SLC35A3: variants seen among roughly 807,000 people sequenced by gnomAD.
The protein encoded by SLC35A3 is UDP-N-acetylglucosamine transporter.
In SLC35A3, 26 loss-of-function variants were observed where a neutral mutation model predicts 39.0. The ratio of observed to expected loss-of-function variants is 0.67; its 90% CI spans 0.49 to 0.92. The LOEUF is 0.92. Among genes scored for constraint, SLC35A3 ranks in the 40% least tolerant of loss-of-function variants. The probability of loss-of-function intolerance (pLI) is 0.00; values close to 1 mark genes in which losing one functional copy is unlikely to be tolerated. For synonymous variants in SLC35A3, 135 were observed against 133.1 expected (o/e 1.01, Z -0.10); for missense variants, 299 against 371.6 (o/e 0.80, Z 1.61).
intron 7 of SLC35A3, among the ~76,000 whole-genome samples, chr1:100,020,719 G>GT (rs1246440798): frequency 6.6e-6 from 1 of 152,188 alleles, no homozygotes; most frequent in African/African-American, 2.4e-5. Flanking sequence ...TGACAGTGTG[G>GT]TAAGTGTTAT....
At chr1:100,015,583 C>A in intron 6 of SLC35A3, 163 bp downstream of exon 6, 1 of 699,130 alleles carries the variant, frequency 1.4e-6, no homozygotes, top group Non-Finnish European at 2.0e-6. Context: ...GATCTTAATG[C>A]TGTAATGAAA....
At chr1:99,985,337 C>CT (rs1240408897) in intron 1 of SLC35A3, among the ~76,000 whole-genome samples, 16 of 152,200 alleles carry the variant, frequency 1.1e-4, no homozygotes, top group African/African-American at 3.9e-4. Flanking sequence ...TTTCCCCACT[C>CT]TATGTTTTTG....
Position 100,006,563 on chromosome 1 carries a change from C to T in SLC35A3, c.343-471C>T, listed in dbSNP as rs1168551171. ...TAGCAACAGGTTGTGCAGGGTCAGT[C>T]GCTAGCCCCCAGGAGGCATGCGTGG... On this transcript the variant is annotated intron_variant, in intron 3 of 7. Transcript: ENST00000533028. 3.9e-5 allele frequency among the ~76,000 whole-genome samples: 6 copies of T among 152,152 alleles called. No homozygotes were observed. The East Asian group carries it at 5.8e-4, about 15-fold the overall frequency.
intron 7 of SLC35A3, among the ~76,000 whole-genome samples, chr1:100,021,219 C>T (rs935860097): frequency 3.3e-5 from 5 of 151,900 alleles, no homozygotes; most frequent in Admixed American, 6.6e-5. Flanking sequence ...AAAAAATTAG[C>T]GGGGTGTGGT....
chr1:100,013,184 A>G (rs1437075725), intron 5 of SLC35A3, among the ~76,000 whole-genome samples: 1 of 152,138 alleles, frequency 6.6e-6, no homozygotes, highest in Non-Finnish European at 1.5e-5. Context: ...GTCTTTTATA[A>G]ATTAAAAAAC....
intron 4 of SLC35A3, chr1:100,009,368 ATAAGT>A (rs915892568): frequency 1.2e-4 from 19 of 152,366 alleles, no homozygotes; most frequent in African/African-American, 4.1e-4. Context: ...ATAAGCACAA[ATAAGT>A]TAAGGAGTGG....
In SLC35A3 at chr1:100,027,990, C is replaced by G. The variant is rs1661010116; in HGVS notation, c.*5514C>G. ...TTTGAGATGGTGTCTCGCTCTGTCACCTAGGCTGCAGTGGTGTGACCTCAC... is the reference window on the plus strand; with the variant it reads ...TTTGAGATGGTGTCTCGCTCTGTCAGCTAGGCTGCAGTGGTGTGACCTCAC... On this transcript the variant is annotated 3_prime_UTR_variant, in exon 8 of 8. Transcript: ENST00000533028. 1 of 134,210 alleles carries G rather than the reference C, an allele frequency of 7.5e-6. No homozygotes were observed. Among genetic ancestry groups the G allele is most frequent in the Non-Finnish European group, 1.5e-5 (1 of 64,978 alleles). The allele number at this position is 134,210 out of a possible 1,614,324, so 8.3% of individuals were successfully genotyped here.
rs909442668 is a variant in SLC35A3, at chr1:100,029,731, C to T, written c.*7255C>T. 4 of 152,084 alleles carry T rather than the reference C, an allele frequency of 2.6e-5. No individual in the cohort carries two copies. The highest frequency in any genetic ancestry group is 9.7e-5 in the African/African-American group (4 of 41,436). The allele number at this position is 152,084 out of a possible 1,614,324, so 9.4% of individuals were successfully genotyped here. ...CAGGCATGAGCCATCACACCCAGCC[C>T]AGAGACTTTTAATTTATACATTGTC... On this transcript the variant is annotated 3_prime_UTR_variant, in exon 8 of 8. Coordinates refer to ENST00000533028, the MANE Select transcript of SLC35A3 (RefSeq NM_012243.3).
intron 1 of SLC35A3, among the ~76,000 whole-genome samples, chr1:99,989,048 T>A (rs576033807): frequency 1.3e-5 from 2 of 152,118 alleles, no homozygotes; most frequent in Non-Finnish European, 2.9e-5. Context: ...TAATAAGGAA[T>A]TGATAAACTT....
chr1:99,983,699 C>T (rs866920285), intron 1 of SLC35A3, among the ~76,000 whole-genome samples: 3 of 151,550 alleles, frequency 2.0e-5, no homozygotes. Context: ...GATCTCGGCT[C>T]ACTGCACCCT....
chr1:99,972,891 T>C (rs2101011921), intron 1 of SLC35A3, among the ~76,000 whole-genome samples: 1 of 152,342 alleles, frequency 6.6e-6, no homozygotes, highest in African/African-American at 2.4e-5. Context: ...CACCGCTATT[T>C]TATAGATAAG....
At chr1:100,022,037 A>C (rs1238543688) in intron 7 of SLC35A3, among the ~76,000 whole-genome samples, 1 of 152,242 alleles carries the variant, frequency 6.6e-6, no homozygotes, top group African/African-American at 2.4e-5. Context: ...AAGACAGTAT[A>C]GTGCAGTCGA....
At chr1:99,976,210 T>A (rs887684166) in intron 1 of SLC35A3, among the ~76,000 whole-genome samples, 5 of 152,194 alleles carry the variant, frequency 3.3e-5, no homozygotes, top group Admixed American at 2.0e-4. Flanking sequence ...ACTTGAACAG[T>A]AAATGTAGAA....
chr1:99,986,542 A>C (rs1455094487), intron 1 of SLC35A3, among the ~76,000 whole-genome samples: 2 of 151,700 alleles, frequency 1.3e-5, no homozygotes, highest in Middle Eastern at 3.4e-3. Flanking sequence ...GAAATGCAAA[A>C]TTTTCAAAGT....
intron 7 of SLC35A3, among the ~76,000 whole-genome samples, chr1:100,021,015 G>A (rs1019302635): frequency 1.3e-5 from 2 of 152,130 alleles, no homozygotes; most frequent in African/African-American, 4.8e-5. Context: ...AAAAAAACAG[G>A]AGCATGGCTT....
In SLC35A3 at chr1:100,031,999, G is replaced by A. The variant is rs1661272285; in HGVS notation, c.*9523G>A. On this transcript the variant is annotated 3_prime_UTR_variant, in exon 8 of 8. Coordinates refer to ENST00000533028, the MANE Select transcript of SLC35A3 (RefSeq NM_012243.3). ...TATTCCTTTCATGTCCTTTGAACTGGAAGTCAAGTCTATAGGTTTGATTAC... is the reference window on the plus strand; with the variant it reads ...TATTCCTTTCATGTCCTTTGAACTGAAAGTCAAGTCTATAGGTTTGATTAC... 6.6e-6 allele frequency: 1 copy of A among 152,132 alleles called. No individual in the cohort carries two copies. Among genetic ancestry groups the A allele is most frequent in the African/African-American group, 2.4e-5 (1 of 41,430 alleles). The allele number at this position is 152,132 out of a possible 1,614,324, so 9.4% of individuals were successfully genotyped here.
chr1:99,999,219 CAG>C (rs773676124), intron 2 of SLC35A3, 40 bp from the exon 3 acceptor site: 30 of 1,290,292 alleles, frequency 2.3e-5, no homozygotes, highest in Non-Finnish European at 2.9e-5. Flanking sequence ...GTAACTTATT[CAG>C]AGTTACTTAA....
At chr1:99,982,743 C>T (rs957236794) in intron 1 of SLC35A3, among the ~76,000 whole-genome samples, 4 of 152,108 alleles carry the variant, frequency 2.6e-5, no homozygotes, top group Non-Finnish European at 2.9e-5. Flanking sequence ...ATCATCCAAA[C>T]TCATTAAATC....
chr1:100,021,951 C>A (rs1309542252), intron 7 of SLC35A3, among the ~76,000 whole-genome samples: 1 of 152,134 alleles, frequency 6.6e-6, no homozygotes, highest in African/African-American at 2.4e-5. Flanking sequence ...AGAATTAAGG[C>A]CTTTTGTTAT....
Sources: gnomAD v4.1 joint callset for allele counts (sites outside exome capture counted in the v4.1 genomes callset) on GRCh38, gnomAD v4.1.1 for gene constraint, MANE v1.5 for transcripts, NCBI Gene and HGNC (gene_info 2026-07-23, HGNC 2026-07-21) for gene names.